The following TENM3 variants were observed in gnomAD, a reference collection of about 807,000 sequenced individuals.
The protein encoded by TENM3 is teneurin-3.
A neutral mutation model predicts 255.1 loss-of-function variants in TENM3; 63 were observed. The observed-to-expected ratio is 0.25, with a 90% CI of 0.20 to 0.30. The LOEUF is 0.30. Ranked by LOEUF, TENM3 falls within the 10% of genes least tolerant of loss-of-function variation. The pLI, the probability that TENM3 is intolerant of heterozygous loss-of-function variation, is 1.00. For missense variants in TENM3, 2,929 were observed against 3,461.1 expected (o/e 0.85, Z 3.86); for synonymous variants, 1,306 against 1,322.3 (o/e 0.99, Z 0.27).
chr4:181,762,465 G>T, the TENM3 span, among the ~76,000 whole-genome samples: 1 of 152,084 alleles, frequency 6.6e-6, no homozygotes, highest in Non-Finnish European at 1.5e-5. Context: ...AGTTAGAAAA[G>T]GTCACTGTAA....
intron 22 of TENM3, among the ~76,000 whole-genome samples, chr4:182,762,759 C>T (rs1045445234): frequency 1.1e-4 from 17 of 152,228 alleles, no homozygotes; most frequent in African/African-American, 3.9e-4. Context: ...CTCTTTGGAG[C>T]TCTCTCTGGG....
the TENM3 span, among the ~76,000 whole-genome samples, chr4:181,555,327 A>G: frequency 2.6e-5 from 4 of 152,152 alleles, no homozygotes; most frequent in Non-Finnish European, 2.9e-5. Flanking sequence ...GTCTCATTCG[A>G]GACTATATTA....
At chr4:181,599,659 G>A in the TENM3 span, among the ~76,000 whole-genome samples, 712 of 152,266 alleles carry the variant, frequency 4.7e-3, 5 homozygotes, top group Middle Eastern at 0.01. Flanking sequence ...TCTGGGCAAG[G>A]TGTGGTAATA....
chr4:182,076,044 G>T, the TENM3 span, among the ~76,000 whole-genome samples: 11 of 152,078 alleles, frequency 7.2e-5, no homozygotes, highest in South Asian at 2.1e-3. Flanking sequence ...TTCCTAAGTA[G>T]CTGGGAATAC....
At chr4:182,760,029 G>A (rs1452318771) in intron 22 of TENM3, among the ~76,000 whole-genome samples, 2 of 152,080 alleles carry the variant, frequency 1.3e-5, no homozygotes, top group African/African-American at 4.8e-5. Context: ...TATGTTTCAC[G>A]AGCTAAATAA....
chr4:182,761,593 T>C (rs1763198694), intron 22 of TENM3, among the ~76,000 whole-genome samples: 1 of 145,626 alleles, frequency 6.9e-6, no homozygotes, highest in Admixed American at 6.6e-5. Flanking sequence ...TTTATAAGTA[T>C]ATATGTATAC....
chr4:182,691,293 T>C (rs1756989617), intron 12 of TENM3, among the ~76,000 whole-genome samples: 1 of 152,238 alleles, frequency 6.6e-6, no homozygotes, highest in Non-Finnish European at 1.5e-5. Flanking sequence ...AGAATGCTCA[T>C]AAATCAGCCA....
the TENM3 span, among the ~76,000 whole-genome samples, chr4:182,014,044 GTATATATACGTGTATATACGTA>G: frequency 3.8e-5 from 1 of 26,434 alleles, no homozygotes; most frequent in African/African-American, 1.6e-4. Context: ...ACATATATAC[GTATATATACGTGTATATACGTA>G]TATACACATA....
At chr4:182,023,576 G>A in the TENM3 span, among the ~76,000 whole-genome samples, 3 of 152,164 alleles carry the variant, frequency 2.0e-5, no homozygotes. Context: ...GTTTATGACA[G>A]CAGTGAGCTG....
At chr4:181,548,137 C>T in the TENM3 span, among the ~76,000 whole-genome samples, 2,107 of 152,070 alleles carry the variant, frequency 0.014, 43 homozygotes, top group African/African-American at 0.047. Flanking sequence ...GTTAGAACGG[C>T]GATCATTAAA....
At chr4:182,740,783 A>G (rs1180186704) in intron 18 of TENM3, among the ~76,000 whole-genome samples, 1 of 152,234 alleles carries the variant, frequency 6.6e-6, no homozygotes, top group Non-Finnish European at 1.5e-5. Flanking sequence ...CATATTCTAA[A>G]CCAGAATAAC....
rs1474409879 is a variant in TENM3 at position 182,346,867 on chromosome 4, G to T, written c.449G>T (p.Arg150Leu). 1 of 1,613,364 alleles carries T rather than the reference G, an allele frequency of 6.2e-7. No homozygotes were observed. The highest frequency in any genetic ancestry group is 1.1e-5 in the South Asian group (1 of 90,928). Residue 150 changes from arginine (R) to leucine (L), a missense_variant, in exon 3 of 28, where the codon CGG (arginine) becomes CTG (leucine). Around this residue, in one of 6 missense-constraint regions of TENM3, gnomAD observed 283 missense variants for 256.9 expected, o/e 1.10. Transcript: ENST00000511685. ...KSGRSSCLSS[R>L]SNSALTLTDT... ...GGCCGCAGCTCCTGCCTGTCAAGTCGGTCCAACTCAGCCCTCACCCTGACA... is the reference window on the plus strand; with the variant it reads ...GGCCGCAGCTCCTGCCTGTCAAGTCTGTCCAACTCAGCCCTCACCCTGACA...
At chr4:181,828,730 A>G in the TENM3 span, among the ~76,000 whole-genome samples, 3 of 152,174 alleles carry the variant, frequency 2.0e-5, no homozygotes, top group Non-Finnish European at 4.4e-5. Flanking sequence ...CTGGGATTAC[A>G]GGTGTGTGCC....
At chr4:182,656,870 C>A (rs1255311032) in intron 6 of TENM3, among the ~76,000 whole-genome samples, 1 of 152,164 alleles carries the variant, frequency 6.6e-6, no homozygotes, top group African/African-American at 2.4e-5. Context: ...AGAAGGATTT[C>A]TGTTATATGC....
intron 3 of TENM3, among the ~76,000 whole-genome samples, chr4:182,360,630 G>A (rs1222268438): frequency 6.6e-6 from 1 of 152,086 alleles, no homozygotes; most frequent in Non-Finnish European, 1.5e-5. Flanking sequence ...CATGTGAGAT[G>A]GGTTTCCTGA....
the TENM3 span, among the ~76,000 whole-genome samples, chr4:181,480,265 T>C: frequency 6.6e-6 from 1 of 152,170 alleles, no homozygotes; most frequent in Non-Finnish European, 1.5e-5. Flanking sequence ...CTGGAAATAG[T>C]TGCTCATGCA....
the TENM3 span, among the ~76,000 whole-genome samples, chr4:182,059,266 A>C: frequency 2.6e-4 from 39 of 152,244 alleles, no homozygotes; most frequent in African/African-American, 9.4e-4. Context: ...TGCTACTACT[A>C]TGCTGGTTTC....
At chr4:182,742,303 A>G (rs1175300898) in intron 18 of TENM3, among the ~76,000 whole-genome samples, 3 of 152,254 alleles carry the variant, frequency 2.0e-5, no homozygotes, top group East Asian at 1.9e-4. Flanking sequence ...ACTGAAGACC[A>G]TAAAAGAGCA....
At chr4:182,741,452 C>A (rs192321537) in intron 18 of TENM3, among the ~76,000 whole-genome samples, 8 of 152,284 alleles carry the variant, frequency 5.3e-5, no homozygotes, top group Admixed American at 5.2e-4. Flanking sequence ...TAAATATTCT[C>A]ATGTTCATCT....
Sources: gnomAD v4.1 joint callset for allele counts (sites outside exome capture counted in the v4.1 genomes callset) on GRCh38, gnomAD v4.1.1 for gene constraint, gnomAD v4.1.1 regional missense constraint, MANE v1.5 for transcripts, NCBI Gene and HGNC (gene_info 2026-07-23, HGNC 2026-07-21) for gene names.